CDK15: variants seen among roughly 807,000 people sequenced by gnomAD.
CDK15 encodes cyclin dependent kinase 15.
CDK15 carries 62 observed loss-of-function variants against 60.3 expected under a neutral mutation model. That is an observed-to-expected ratio of 1.03 (90% CI 0.84 to 1.27). The LOEUF (loss-of-function observed/expected upper bound fraction) is 1.27. CDK15 is among the 50% of genes most tolerant of loss of function. The probability of loss-of-function intolerance (pLI) is 0.00; values close to 1 mark genes in which losing one functional copy is unlikely to be tolerated. For synonymous variants in CDK15, 194 were observed against 195.7 expected (o/e 0.99, Z 0.07); for missense variants, 541 against 527.8 (o/e 1.03, Z -0.25).
intron 3 of CDK15, 95 bp downstream of exon 3, chr2:201,808,047 T>C (rs1695597938): frequency 3.1e-5 from 32 of 1,048,516 alleles, no homozygotes; most frequent in Non-Finnish European, 4.5e-5. Flanking sequence ...TAGAAGTTCA[T>C]AGCACTCAGG....
intron 6 of CDK15, 122 bp downstream of exon 6, chr2:201,823,849 TC>T: frequency 1.3e-6 from 1 of 762,686 alleles, no homozygotes; most frequent in Non-Finnish European, 2.1e-6. Context: ...TCACTGATAT[TC>T]CAGAAAAAAG....
intron 6 of CDK15, chr2:201,824,406 T>G (rs911539475): frequency 1.1e-5 from 1 of 93,364 alleles, no homozygotes; most frequent in African/African-American, 2.9e-5. Flanking sequence ...TATTGAGTAC[T>G]TATTGCTGTA....
intron 8 of CDK15, among the ~76,000 whole-genome samples, chr2:201,847,103 TCTC>T (rs1697703784): frequency 6.6e-6 from 1 of 152,202 alleles, no homozygotes; most frequent in Non-Finnish European, 1.5e-5. Flanking sequence ...TTTCCCCTCT[TCTC>T]CTAAAACAGA....
intron 9 of CDK15, among the ~76,000 whole-genome samples, chr2:201,852,742 T>G (rs1018489177): frequency 3.9e-5 from 6 of 152,216 alleles, no homozygotes; most frequent in African/African-American, 1.4e-4. Context: ...AGGAGAGATT[T>G]AGTAATTTTC....
At chr2:201,843,179 T>TA (rs1697477793) in intron 8 of CDK15, among the ~76,000 whole-genome samples, 2 of 152,048 alleles carry the variant, frequency 1.3e-5, no homozygotes, top group Admixed American at 6.6e-5. Context: ...AAAAATAAGA[T>TA]AAATTGCATA....
intron 4 of CDK15, among the ~76,000 whole-genome samples, chr2:201,818,849 A>G (rs112699668): frequency 4.9e-4 from 75 of 152,318 alleles, no homozygotes; most frequent in African/African-American, 1.7e-3. Context: ...ACCCTTTACC[A>G]ACCAACTAGA....
chr2:201,867,748 C>T (rs1698690972), intron 10 of CDK15, among the ~76,000 whole-genome samples: 1 of 152,114 alleles, frequency 6.6e-6, no homozygotes, highest in Non-Finnish European at 1.5e-5. Flanking sequence ...CAGACGATGC[C>T]AGTATGCAGC....
At chr2:201,838,776 C>T (rs984326633) in intron 8 of CDK15, among the ~76,000 whole-genome samples, 5 of 152,172 alleles carry the variant, frequency 3.3e-5, no homozygotes, top group African/African-American at 4.8e-5. Context: ...ATAATCCGTA[C>T]TGTCCTATCA....
intron 9 of CDK15, among the ~76,000 whole-genome samples, chr2:201,852,205 A>G (rs1303836429): frequency 6.6e-6 from 1 of 152,226 alleles, no homozygotes; most frequent in Non-Finnish European, 1.5e-5. Flanking sequence ...TAGTTCCTGA[A>G]TTTGTGTTTT....
chr2:201,837,826 A>G (rs1574882321), intron 8 of CDK15, among the ~76,000 whole-genome samples: 1 of 152,234 alleles, frequency 6.6e-6, no homozygotes, highest in Non-Finnish European at 1.5e-5. Flanking sequence ...AATTGATTTT[A>G]AAAAATTAAA....
intron 11 of CDK15, among the ~76,000 whole-genome samples, chr2:201,879,501 T>C (rs1392798165): frequency 6.6e-6 from 1 of 152,160 alleles, no homozygotes; most frequent in East Asian, 1.9e-4. Context: ...TGCCTCAGCC[T>C]CCTGAGTAGC....
At position 201,882,536 on chromosome 2, in the gene CDK15, G is replaced by A. The variant is rs140505681; in HGVS notation, c.1198+2369G>A. Among the ~76,000 whole-genome samples the A allele has an allele frequency of 5.2e-3, 789 of 152,150 alleles. 6 individuals are homozygous for A. The highest frequency in any genetic ancestry group is 0.032 in the South Asian group (155 of 4,818). ...CACAGGGCTCTGCTGCTGCTGCCTC[G>A]GCGGACAAGCATTTCCTGCAGCGAC... is the stretch of plus-strand genomic sequence containing the variant. On this transcript the variant is annotated intron_variant, in intron 12 of 13. Transcript: ENST00000652192. This position sits in a 1 kb window ranked among gnomAD's most constrained non-coding sequence, Gnocchi z 4.0.
intron 11 of CDK15, 50 bp downstream of exon 11, chr2:201,872,376 G>A (rs764086373): frequency 1.9e-6 from 3 of 1,576,904 alleles, no homozygotes; most frequent in South Asian, 2.2e-5. Context: ...AAGCAGGATT[G>A]GAGAGACATT....
chr2:201,889,004 T>C (rs1699553930), intron 12 of CDK15: 1 of 985,458 alleles, frequency 1.0e-6, no homozygotes, highest in South Asian at 4.7e-5. Context: ...GTCTTATGCA[T>C]ATCAACAAAT....
At chr2:201,847,014 A>G (rs565372040) in intron 8 of CDK15, among the ~76,000 whole-genome samples, 3 of 152,280 alleles carry the variant, frequency 2.0e-5, no homozygotes, top group Non-Finnish European at 2.9e-5. Context: ...ATGGCAAAAA[A>G]CCAATGACGC....
intron 13 of CDK15, among the ~76,000 whole-genome samples, chr2:201,892,119 G>T (rs751954345): frequency 2.7e-4 from 41 of 152,264 alleles, no homozygotes; most frequent in Middle Eastern, 3.4e-3. Flanking sequence ...AATTATAGCT[G>T]ATCCTCAGAG....
At chr2:201,860,649 C>A in intron 10 of CDK15, 1 of 1,292,652 alleles carries the variant, frequency 7.7e-7, no homozygotes, top group Non-Finnish European at 1.0e-6. Flanking sequence ...AAAAGCCCTG[C>A]AGGGACCAGA....
intron 11 of CDK15, chr2:201,876,554 C>G (rs2072502): frequency 0.052 from 66,442 of 1,280,264 alleles, 3,316 homozygotes; most frequent in African/African-American, 0.23. Flanking sequence ...CCGCTTTGCC[C>G]TGGTGACCAC....
At chr2:201,818,965 AAAACAAAAC>A (rs1279821585) in intron 4 of CDK15, among the ~76,000 whole-genome samples, 319 of 80,402 alleles carry the variant, frequency 4.0e-3, no homozygotes, top group African/African-American at 0.016. Flanking sequence ...ATAAGCAAAA[AAAACAAAAC>A]AAAACAAAAC....
Sources: gnomAD v4.1 joint callset for allele counts (sites outside exome capture counted in the v4.1 genomes callset) on GRCh38, gnomAD v4.1.1 for gene constraint, Gnocchi (gnomAD v3.1) non-coding constraint, MANE v1.5 for transcripts, NCBI Gene and HGNC (gene_info 2026-07-23, HGNC 2026-07-21) for gene names.